NCKAP5: variants seen among roughly 807,000 people sequenced by gnomAD.
NCKAP5 encodes the protein NCK associated protein 5, also known as nck-associated protein 5.
In NCKAP5, 92 loss-of-function variants were observed where a neutral mutation model predicts 167.0. The observed-to-expected ratio is 0.55, with a 90% CI of 0.47 to 0.66. The LOEUF is 0.66. NCKAP5 is among the 30% of genes least tolerant of loss of function. The probability of loss-of-function intolerance (pLI) is 0.00; values close to 1 mark genes in which losing one functional copy is unlikely to be tolerated. For missense variants in NCKAP5, 2,378 were observed against 2,315.0 expected (o/e 1.03, Z -0.56); for synonymous variants, 891 against 877.4 (o/e 1.02, Z -0.27).
intron 3 of NCKAP5, among the ~76,000 whole-genome samples, chr2:133,342,668 G>A (rs1683679765): frequency 6.6e-6 from 1 of 152,192 alleles, no homozygotes; most frequent in African/African-American, 2.4e-5. Context: ...CTGTGTATAT[G>A]CAAGGTGGAG....
intron 3 of NCKAP5, among the ~76,000 whole-genome samples, chr2:133,486,173 G>T (rs1479282896): frequency 6.6e-6 from 1 of 152,204 alleles, no homozygotes; most frequent in Non-Finnish European, 1.5e-5. Context: ...ACAGAGCACA[G>T]TTGGTCTCTG....
chr2:132,742,216 CTT>C (rs968589704), intron 16 of NCKAP5, among the ~76,000 whole-genome samples: 6 of 151,988 alleles, frequency 3.9e-5, no homozygotes, highest in African/African-American at 1.4e-4. Context: ...CTTTAAATCT[CTT>C]TTACTTCACA....
intron 3 of NCKAP5, among the ~76,000 whole-genome samples, chr2:133,419,097 T>C (rs1191569483): frequency 1.3e-5 from 2 of 152,342 alleles, no homozygotes; most frequent in East Asian, 3.9e-4. Context: ...GTTGGAACTC[T>C]GTTCTTCTGT....
chr2:133,373,083 A>G (rs1685904975), intron 3 of NCKAP5, among the ~76,000 whole-genome samples: 1 of 152,198 alleles, frequency 6.6e-6, no homozygotes, highest in Non-Finnish European at 1.5e-5. Context: ...GGGGGATGAC[A>G]GAGTCTCATT....
intron 5 of NCKAP5, among the ~76,000 whole-genome samples, chr2:133,142,095 G>C (rs1329154927): frequency 6.6e-6 from 1 of 152,078 alleles, no homozygotes; most frequent in African/African-American, 2.4e-5. Context: ...TTTTTATGAG[G>C]AAATCATTAA....
At chr2:133,135,254 G>A (rs1158437644) in intron 5 of NCKAP5, among the ~76,000 whole-genome samples, 2 of 152,166 alleles carry the variant, frequency 1.3e-5, no homozygotes, top group African/African-American at 2.4e-5. Context: ...TGATGACCAG[G>A]TGCTACCAGG....
intron 5 of NCKAP5, among the ~76,000 whole-genome samples, chr2:133,189,457 CA>C (rs200908258): frequency 0.036 from 5,405 of 152,164 alleles, 147 homozygotes; most frequent in Middle Eastern, 0.12. Flanking sequence ...ATCCTGACAC[CA>C]AAGCCTGGCA....
chr2:133,307,387 T>G (rs1680855041), intron 3 of NCKAP5, among the ~76,000 whole-genome samples: 1 of 152,014 alleles, frequency 6.6e-6, no homozygotes, highest in South Asian at 2.1e-4. Flanking sequence ...AAAGAAATAT[T>G]TCAGCACAGG....
intron 4 of NCKAP5, among the ~76,000 whole-genome samples, chr2:133,278,168 T>G (rs1463708452): frequency 6.6e-6 from 1 of 152,194 alleles, no homozygotes; most frequent in Non-Finnish European, 1.5e-5. Flanking sequence ...GTATGGTATA[T>G]CAGCTTTCTA....
At chr2:133,536,922 T>C (rs1371794867) in intron 2 of NCKAP5, among the ~76,000 whole-genome samples, 2 of 152,100 alleles carry the variant, frequency 1.3e-5, no homozygotes, top group African/African-American at 4.8e-5. Flanking sequence ...ATGGAAGTTT[T>C]ATAATTTTAG....
In NCKAP5 at chr2:132,869,023, A is replaced by G. The variant is rs145207101; in HGVS notation, c.649-49T>C. 184 of 1,313,854 alleles carry G rather than the reference A, an allele frequency of 1.4e-4. 2 individuals carry two copies. The African/African-American group carries it at 2.3e-3, about 17-fold the overall frequency. 81.4% of individuals were successfully genotyped at this position (1,313,854 alleles called of 1,614,324 possible). A position where few individuals can be genotyped will look rare whatever the true frequency, so the allele number is the denominator to read the frequency against. ...GTCATTTATAATAATGAGACTTTAT[A>G]TGCACCGACTCTAATTTACCAATAA... On this transcript the variant is annotated intron_variant, in intron 9 of 19. Transcript: ENST00000409261.
rs532884974 is a variant in NCKAP5 at position 133,098,254 on chromosome 2, G to A, written c.341+31724C>T. 2.6e-5 allele frequency among the ~76,000 whole-genome samples: 4 copies of A among 152,300 alleles called. No individual in the cohort carries two copies. In the South Asian group the frequency reaches 8.3e-4, roughly 32 times the overall value. On this transcript the variant is annotated intron_variant, in intron 6 of 19. Transcript: ENST00000409261. ...TTCTGCAACATCTGCAAACTTGAAT[G>A]CTATTGTTAATGTGACCAACGCCTT...
intron 6 of NCKAP5, among the ~76,000 whole-genome samples, chr2:133,019,177 G>A (rs868511320): frequency 1.3e-4 from 20 of 152,146 alleles, no homozygotes; most frequent in African/African-American, 4.1e-4. Flanking sequence ...GTTGCTATAC[G>A]GAGTGGCAAT....
At chr2:132,683,087 T>C (rs567692530) in intron 19 of NCKAP5, among the ~76,000 whole-genome samples, 42 of 152,160 alleles carry the variant, frequency 2.8e-4, no homozygotes, top group Middle Eastern at 6.8e-3. Flanking sequence ...TTTCACCATG[T>C]TGGCCAGGCT....
chr2:132,683,006 C>A (rs1217868280), intron 19 of NCKAP5, among the ~76,000 whole-genome samples: 1 of 151,658 alleles, frequency 6.6e-6, no homozygotes, highest in Non-Finnish European at 1.5e-5. Context: ...GCCTCAGTCT[C>A]CCAAGTAGTT....
intron 3 of NCKAP5, among the ~76,000 whole-genome samples, chr2:133,360,918 A>C (rs560630579): frequency 1.3e-4 from 20 of 151,418 alleles, no homozygotes; most frequent in African/African-American, 4.1e-4. Context: ...GAACCAATAC[A>C]TGGTTTGAAA....
chr2:133,535,217 T>A (rs1399836283), intron 2 of NCKAP5, among the ~76,000 whole-genome samples: 1 of 152,054 alleles, frequency 6.6e-6, no homozygotes, highest in Non-Finnish European at 1.5e-5. Context: ...GAGATTTGAG[T>A]GTTAAGTGTA....
rs1683458760 is a variant in NCKAP5 at position 132,785,232 on chromosome 2, A to T, written c.1579T>A (p.Ser527Thr). 1 of 1,571,168 alleles carries T rather than the reference A, an allele frequency of 6.4e-7. No individual in the cohort carries two copies. The highest frequency in any genetic ancestry group is 1.4e-5 in the African/African-American group (1 of 73,376). Reference sequence around the variant, plus strand: ...TCAGGCCTTTCCTTGGGATAAACTGAGGATGTGCCTTCCAGAAAGTGTTTT... The same window carrying T: ...TCAGGCCTTTCCTTGGGATAAACTGTGGATGTGCCTTCCAGAAAGTGTTTT... ...NRKHFLEGTS[S>T]VYPKERPEKL... Residue 527 changes from serine to threonine, a missense_variant, in exon 14 of 20, where the codon TCA (serine) becomes ACA (threonine). Ser to Thr is a moderately conservative substitution (Grantham distance 58). Transcript: ENST00000409261.
chr2:132,735,387 C>T (rs1341082467), intron 16 of NCKAP5, among the ~76,000 whole-genome samples: 1 of 152,078 alleles, frequency 6.6e-6, no homozygotes, highest in Non-Finnish European at 1.5e-5. Flanking sequence ...TGTGTGGCAC[C>T]TCCCACCTTC....
Sources: allele counts gnomAD v4.1 joint callset (sites outside exome capture counted in the v4.1 genomes callset), GRCh38; gene constraint gnomAD v4.1.1; transcripts MANE v1.5; gene names NCBI Gene and HGNC (gene_info 2026-07-23, HGNC 2026-07-21).